Variants in TRPM3 observed in about 807,000 individuals in gnomAD.
TRPM3 encodes transient receptor potential cation channel subfamily M member 3.
Under a neutral mutation model 181.2 loss-of-function variants are expected in TRPM3, and 77 were observed. That is an observed-to-expected ratio of 0.42 (90% CI 0.35 to 0.51). TRPM3 has a LOEUF of 0.51. Among genes scored for constraint, TRPM3 ranks in the 20% least tolerant of loss-of-function variants. The probability of loss-of-function intolerance (pLI) is 0.01; values close to 1 mark genes in which losing one functional copy is unlikely to be tolerated. For synonymous variants in TRPM3, 745 were observed against 796.4 expected, an observed-to-expected ratio of 0.94 and a Z score of 1.09; for missense variants, 1,759 against 2,196.7, an observed-to-expected ratio of 0.80 and a Z score of 3.98.
intron 1 of TRPM3, among the ~76,000 whole-genome samples, chr9:71,418,896 ATATG>A (rs1445531623): frequency 9.7e-6 from 1 of 102,770 alleles, no homozygotes; most frequent in Non-Finnish European, 2.3e-5. Flanking sequence ...ACACACATAT[ATATG>A]TGTGTGTGTA....
Position 71,420,987 on chromosome 9 carries a change from AAGAGAGAGAAAAAG to A in TRPM3, c.183+25652_183+25665del, listed in dbSNP as rs1396451149. ...AAAGGGAGAGAAAAAGAGAGAGAAA[AAGAGAGAGAAAAAG>A]AGAGAAAAAGAGAGAAAAAGAGAGA... On this transcript the variant is annotated intron_variant, in intron 1 of 24. Transcript: ENST00000357533. Among the ~76,000 whole-genome samples the A allele has an allele frequency of 2.0e-3, 137 of 68,410 alleles. 2 individuals are homozygous for A. The highest frequency in any genetic ancestry group is 3.2e-3 in the Non-Finnish European group (108 of 33,714). The allele number at this position is 68,410 out of a possible 152,430, so 44.9% of individuals were successfully genotyped here.
chr9:71,324,704 A>G (rs2089521407), intron 1 of TRPM3, among the ~76,000 whole-genome samples: 1 of 152,134 alleles, frequency 6.6e-6, no homozygotes, highest in South Asian at 2.1e-4. Flanking sequence ...TAGCAAAGAT[A>G]TGGAACCAAC....
chr9:70,797,268 T>G lies in TRPM3; in HGVS notation c.974-12989A>C, dbSNP rs563006878. Reference sequence around the variant, plus strand: ...AAGTAGACAGATGCAATTTAAATTCTCATGAAATCAGGAATTATACCAAAT... The same window carrying G: ...AAGTAGACAGATGCAATTTAAATTCGCATGAAATCAGGAATTATACCAAAT... On this transcript the variant is annotated intron_variant, in intron 6 of 25. Transcript: ENST00000677713. Among the ~76,000 whole-genome samples, 4 of 152,324 alleles carry G rather than the reference T, an allele frequency of 2.6e-5. No individual in the cohort carries two copies. The South Asian group carries it at 6.2e-4, about 24-fold the overall frequency.
chr9:70,846,235 G>A, intron 4 of TRPM3, 143 bp downstream of exon 4: 1 of 718,890 alleles, frequency 1.4e-6, no homozygotes, highest in Non-Finnish European at 2.4e-6. Context: ...TTAGATAAAG[G>A]AGGGAGTGAT....
chr9:71,237,159 G>A (rs2131943821), intron 1 of TRPM3, among the ~76,000 whole-genome samples: 1 of 152,082 alleles, frequency 6.6e-6, no homozygotes, highest in South Asian at 2.1e-4. Context: ...AATAAAGGCA[G>A]GTATAGTTTG....
chr9:70,828,251 G>A (rs1297930247), intron 5 of TRPM3, among the ~76,000 whole-genome samples: 1 of 152,172 alleles, frequency 6.6e-6, no homozygotes, highest in African/African-American at 2.4e-5. Flanking sequence ...CTGAAATGGG[G>A]CAGAAAATAG....
intron 1 of TRPM3, among the ~76,000 whole-genome samples, chr9:71,187,785 T>C (rs1434867824): frequency 6.6e-6 from 1 of 151,910 alleles, no homozygotes; most frequent in Middle Eastern, 3.2e-3. Flanking sequence ...CAAGAATATA[T>C]GATCATATAT....
At chr9:71,121,653 A>C, upstream of TRPM3, 1 of 1,137,190 alleles carries the variant, frequency 8.8e-7, no homozygotes. Flanking sequence ...CCTCCCAGTA[A>C]ACGCAGGTCA....
rs1225015499 is a variant in TRPM3 at position 70,684,328 on chromosome 9, A to G, written c.1273-2750T>C. On this transcript the variant is annotated intron_variant, in intron 8 of 25. Coordinates refer to ENST00000677713, the MANE Select transcript of TRPM3 (RefSeq NM_001366145.2). The stretch of plus-strand genomic sequence containing the variant: ...TTTCTGGAAAACCGATGTGGGGGCA[A>G]TGACTGCTCACCTGTTCATGCCCCA... Among the ~76,000 whole-genome samples the G allele has an allele frequency of 2.0e-5, 3 of 152,142 alleles. No individual in the cohort carries two copies. The East Asian group carries it at 5.8e-4, about 29-fold the overall frequency.
intron 19 of TRPM3, among the ~76,000 whole-genome samples, chr9:70,607,995 G>C (rs561400821): frequency 6.6e-6 from 1 of 152,304 alleles, no homozygotes; most frequent in East Asian, 1.9e-4. Context: ...TGTACATTGT[G>C]AACTATAACA....
At chr9:70,871,245 G>C (rs1015159561) in intron 1 of TRPM3, among the ~76,000 whole-genome samples, 1 of 151,792 alleles carries the variant, frequency 6.6e-6, no homozygotes, top group Non-Finnish European at 1.5e-5. Flanking sequence ...ATTGATTGTA[G>C]ATAATATTCT....
rs553512580 is a variant in TRPM3, at chr9:70,666,452, G to T, written c.1345+15054C>A. Among the ~76,000 whole-genome samples, 12 of 152,294 alleles carry T rather than the reference G, an allele frequency of 7.9e-5. No individual in the cohort carries two copies. In the South Asian group the frequency reaches 2.1e-3, roughly 26 times the overall value. On this transcript the variant is annotated intron_variant, in intron 9 of 25. Transcript: ENST00000677713. Reference sequence around the variant, plus strand: ...TGAAGAAAAACATCTGCAGAAAGTGGTTTTTCCAGGCACCTAATGCCTGCC... The same window carrying T: ...TGAAGAAAAACATCTGCAGAAAGTGTTTTTTCCAGGCACCTAATGCCTGCC...
rs1047071169 is a variant in TRPM3, at chr9:70,608,517, G to A, written c.2667+2092C>T. Among the ~76,000 whole-genome samples the A allele has an allele frequency of 5.3e-5, 8 of 152,256 alleles. No homozygotes were observed. In the South Asian group the frequency reaches 1.5e-3, roughly 28 times the overall value. On this transcript the variant is annotated intron_variant, in intron 19 of 25. Transcript: ENST00000677713. ...GAATCATAATATAAAAGGAAGGACA[G>A]ACCTGGGTGTGAAATAGCTGCAAAA... is the stretch of plus-strand genomic sequence containing the variant.
At chr9:70,630,654 C>T (rs1164970017) in intron 12 of TRPM3, among the ~76,000 whole-genome samples, 1 of 152,196 alleles carries the variant, frequency 6.6e-6, no homozygotes, top group Non-Finnish European at 1.5e-5. Context: ...TCTAGCACTT[C>T]CCCCTCCCCC....
At chr9:71,236,381 C>A (rs1050430870) in intron 1 of TRPM3, among the ~76,000 whole-genome samples, 1 of 152,134 alleles carries the variant, frequency 6.6e-6, no homozygotes, top group Non-Finnish European at 1.5e-5. Context: ...TCTTCCTCTT[C>A]CCTCTTCTCC....
At chr9:70,611,631 A>G (rs1326890748) in intron 18 of TRPM3, among the ~76,000 whole-genome samples, 1 of 152,186 alleles carries the variant, frequency 6.6e-6, no homozygotes, top group Non-Finnish European at 1.5e-5. Flanking sequence ...AACGGGACTA[A>G]AACAGTTAGC....
intron 1 of TRPM3, among the ~76,000 whole-genome samples, chr9:71,015,979 G>A (rs1021371635): frequency 2.0e-5 from 3 of 151,800 alleles, no homozygotes; most frequent in Admixed American, 6.6e-5. Flanking sequence ...GGCGGATCAC[G>A]AGGTCAAGAG....
chr9:71,278,072 TAGCATTA>T lies in TRPM3; in HGVS notation c.183+168574_183+168580del, dbSNP rs1284280149. 3.3e-5 allele frequency among the ~76,000 whole-genome samples: 5 copies of T among 152,378 alleles called. No homozygotes were observed. In the East Asian group the frequency reaches 7.7e-4, roughly 23 times the overall value. On this transcript the variant is annotated intron_variant, in intron 1 of 24. Transcript: ENST00000357533. ...GGCAGCTGCTCGGATGTGTATCACCTAGCATTAAGCATTAAGCAGTAGAAATAACTGC... is the reference window on the plus strand; with the variant it reads ...GGCAGCTGCTCGGATGTGTATCACCTAGCATTAAGCAGTAGAAATAACTGC...
chr9:70,696,847 G>T (rs749323892), intron 8 of TRPM3, among the ~76,000 whole-genome samples: 1 of 152,154 alleles, frequency 6.6e-6, no homozygotes, highest in African/African-American at 2.4e-5. Context: ...TTCTCTGCCT[G>T]TAAGTCTACC....
Sources: allele counts gnomAD v4.1 joint callset (sites outside exome capture counted in the v4.1 genomes callset), GRCh38; gene constraint gnomAD v4.1.1; transcripts MANE v1.5; gene names NCBI Gene and HGNC (gene_info 2026-07-23, HGNC 2026-07-21).